The following MINK1 variants were observed in gnomAD, a reference collection of about 807,000 sequenced individuals.
The protein encoded by MINK1 is misshapen-like kinase 1.
In MINK1, 46 loss-of-function variants were observed where a neutral mutation model predicts 178.4. The observed-to-expected ratio is 0.26, with a 90% CI of 0.20 to 0.33. The LOEUF is 0.33. MINK1 is among the 10% of genes least tolerant of loss of function. The pLI is 1.00. For missense variants in MINK1, 1,366 were observed against 1,814.9 expected (o/e 0.75, Z 4.49); for synonymous variants, 797 against 709.7 (o/e 1.12, Z -1.96).
rs1423971934 is a variant in MINK1, at chr17:4,896,875, G to C, written c.3915+62G>C. 30 of 1,505,732 alleles carry C rather than the reference G, an allele frequency of 2.0e-5. No individual in the cohort carries two copies. The highest frequency in any genetic ancestry group is 2.4e-5 in the Non-Finnish European group (27 of 1,129,840). 93.3% of individuals were successfully genotyped at this position (1,505,732 alleles called of 1,614,324 possible). A position where few individuals can be genotyped will look rare whatever the true frequency, so the allele number is the denominator to read the frequency against. ...CGGCTGCCATGACCCTAGGCCCCTG[G>C]GCAGAGTTCTGGGGAGAGGATGGTG... is the stretch of plus-strand genomic sequence containing the variant. On this transcript the variant is annotated intron_variant, in intron 31 of 31. Coordinates refer to ENST00000355280, the MANE Select transcript of MINK1 (RefSeq NM_153827.5). The surrounding 1 kb of genome is among the most constrained non-coding windows in gnomAD (Gnocchi z 4.6).
intron 1 of MINK1, among the ~76,000 whole-genome samples, chr17:4,842,889 G>C (rs1247104142): frequency 1.3e-5 from 2 of 152,208 alleles, no homozygotes; most frequent in African/African-American, 4.8e-5. Context: ...GGAGTGACCA[G>C]AGACAGTAGA....
intron 1 of MINK1, among the ~76,000 whole-genome samples, chr17:4,871,556 C>A (rs1186070144): frequency 6.6e-6 from 1 of 151,990 alleles, no homozygotes; most frequent in Non-Finnish European, 1.5e-5. Context: ...TATAGATATA[C>A]CACATTTATC....
At chr17:4,890,823 G>A in intron 14 of MINK1, 88 bp downstream of exon 14, 1 of 1,516,810 alleles carries the variant, frequency 6.6e-7, no homozygotes, top group Non-Finnish European at 8.9e-7. Flanking sequence ...CACAGTAGCA[G>A]GCACCAAGTA....
intron 1 of MINK1, among the ~76,000 whole-genome samples, chr17:4,854,949 A>G (rs12602414): frequency 0.23 from 35,250 of 152,026 alleles, 4,891 homozygotes; most frequent in African/African-American, 0.39. Context: ...GCTCCCGCCT[A>G]TAGTCCCAGC....
Position 4,897,640 on chromosome 17 carries a change from C to A in MINK1, c.*353C>A, listed in dbSNP as rs1969692049. ...CCCACTGCTGCTGACTGGGCAGGGC[C>A]CTGGACCCCTTTATTTGCACGTCAG... On this transcript the variant is annotated 3_prime_UTR_variant, in exon 32 of 32. Transcript: ENST00000355280. The A allele has an allele frequency of 5.0e-6, 1 of 198,314 alleles. No homozygotes were observed. Among genetic ancestry groups the A allele is most frequent in the Non-Finnish European group, 1.0e-5 (1 of 97,764 alleles). The allele number at this position is 198,314 out of a possible 1,614,324, so 12.3% of individuals were successfully genotyped here.
Position 4,885,121 on chromosome 17 carries a change from C to G in MINK1, c.508+119C>G. The G allele has an allele frequency of 1.1e-6, 1 of 905,168 alleles. No homozygotes were observed. The highest frequency in any genetic ancestry group is 1.7e-6 in the Non-Finnish European group (1 of 584,218). The allele number at this position is 905,168 out of a possible 1,614,324, so 56.1% of individuals were successfully genotyped here. A position where few individuals can be genotyped will look rare whatever the true frequency, so the allele number is the denominator to read the frequency against. On this transcript the variant is annotated intron_variant, in intron 6 of 31. Coordinates refer to ENST00000355280, the MANE Select transcript of MINK1 (RefSeq NM_153827.5). This position sits in a 1 kb window ranked among gnomAD's most constrained non-coding sequence, Gnocchi z 5.0. ...TCCCTTCCTACTGGGGAGGCTCACT[C>G]CCTCCCCTTTCCCCTCTCCCCCTGG...
chr17:4,835,651 A>G (rs961275234), intron 1 of MINK1, among the ~76,000 whole-genome samples: 1 of 152,016 alleles, frequency 6.6e-6, no homozygotes, highest in Non-Finnish European at 1.5e-5. Flanking sequence ...AAAACAAAAA[A>G]ACGGGGCGGG....
intron 1 of MINK1, among the ~76,000 whole-genome samples, chr17:4,840,377 G>T (rs201542262): frequency 6.6e-6 from 1 of 152,102 alleles, no homozygotes; most frequent in African/African-American, 2.4e-5. Flanking sequence ...GAATCTTCCT[G>T]TGGGAGGGGA....
At chr17:4,859,197 T>G in intron 1 of MINK1, 2 of 985,442 alleles carry the variant, frequency 2.0e-6, no homozygotes, top group Non-Finnish European at 2.4e-6. Flanking sequence ...CCCAAGGACT[T>G]CCATCCCTTC....
chr17:4,874,615 G>A (rs550092169), intron 1 of MINK1, among the ~76,000 whole-genome samples: 1 of 152,152 alleles, frequency 6.6e-6, no homozygotes, highest in Non-Finnish European at 1.5e-5. Flanking sequence ...CTGCGATACA[G>A]GAAAGGGAGG....
chr17:4,894,430 G>A lies in MINK1; in HGVS notation c.2809-95G>A. ...GCGCTGGGAGCTGGACAGCGGGGGTGCCAGTTGGGGAGCTGGAGCCTGGGG... is the reference window on the plus strand; with the variant it reads ...GCGCTGGGAGCTGGACAGCGGGGGTACCAGTTGGGGAGCTGGAGCCTGGGG... On this transcript the variant is annotated intron_variant, in intron 23 of 31. Transcript: ENST00000355280. The surrounding 1 kb of genome is among the most constrained non-coding windows in gnomAD (Gnocchi z 4.1). 6.6e-7 allele frequency: 1 copy of A among 1,519,936 alleles called. No individual in the cohort carries two copies. Among genetic ancestry groups the A allele is most frequent in the East Asian group, 2.4e-5 (1 of 40,918 alleles). The allele number at this position is 1,519,936 out of a possible 1,614,324, so 94.2% of individuals were successfully genotyped here.
intron 13 of MINK1, chr17:4,890,220 A>G (rs1314805299): frequency 1.5e-5 from 2 of 135,966 alleles, no homozygotes; most frequent in Non-Finnish European, 1.1e-5. Context: ...CCCGTCCCCC[A>G]GGAATATATT....
chr17:4,889,977 C>G, intron 13 of MINK1: 2 of 590,804 alleles, frequency 3.4e-6, no homozygotes, highest in Non-Finnish European at 3.0e-6. Flanking sequence ...CTCTTTACCC[C>G]ATCCCTGACT....
chr17:4,892,557 C>T, intron 18 of MINK1, 45 bp downstream of exon 18: 1 of 1,539,950 alleles, frequency 6.5e-7, no homozygotes, highest in Non-Finnish European at 8.9e-7. Context: ...TCACTTCTGC[C>T]ACCCGCTTCC....
intron 13 of MINK1, 110 bp from the exon 14 acceptor site, chr17:4,890,407 T>A (rs1340917179): frequency 2.0e-6 from 3 of 1,473,070 alleles, no homozygotes; most frequent in South Asian, 1.4e-5. Context: ...ACCCAGGACA[T>A]CAAGGGAATA....
rs570073299 is a variant in MINK1 at position 4,897,350 on chromosome 17, C to T, written c.*63C>T. The T allele has an allele frequency of 2.4e-5, 36 of 1,491,518 alleles. No homozygotes were observed. The highest frequency in any genetic ancestry group is 3.5e-4 in the Middle Eastern group (2 of 5,778). The allele number at this position is 1,491,518 out of a possible 1,614,324, so 92.4% of individuals were successfully genotyped here. ...GCTCTCCCCCTGCAGCCAGGCTTCC[C>T]GGGCCGCCCCTCTTTCCCCTCCCTG... is the stretch of plus-strand genomic sequence containing the variant. On this transcript the variant is annotated 3_prime_UTR_variant, in exon 32 of 32. Coordinates refer to ENST00000355280, the MANE Select transcript of MINK1 (RefSeq NM_153827.5).
At chr17:4,889,871 C>G (rs1327841087) in intron 13 of MINK1, 108 bp downstream of exon 13, 1 of 762,240 alleles carries the variant, frequency 1.3e-6, no homozygotes, top group Non-Finnish European at 2.1e-6. Context: ...CCAGATTCCT[C>G]CTATCTTTTC....
intron 1 of MINK1, among the ~76,000 whole-genome samples, chr17:4,846,028 TTGACCTTCA>T (rs1172972709): frequency 6.6e-6 from 1 of 152,218 alleles, no homozygotes; most frequent in Non-Finnish European, 1.5e-5. Context: ...CAGTTTCTCA[TTGACCTTCA>T]TGGGGAAGGA....
Position 4,886,042 on chromosome 17 carries a change from T to C in MINK1, c.694+77T>C. On this transcript the variant is annotated intron_variant, in intron 8 of 31. Coordinates refer to ENST00000355280, the MANE Select transcript of MINK1 (RefSeq NM_153827.5). The surrounding 1 kb of genome is among the most constrained non-coding windows in gnomAD (Gnocchi z 6.1). ...AGAGTGGCTGTAGGGAGGAGGTGGG[T>C]CCTGGGACCCTGCCGAGGAAGGGTC... 1 of 1,608,632 alleles carries C rather than the reference T, an allele frequency of 6.2e-7. No individual in the cohort carries two copies. Among genetic ancestry groups the C allele is most frequent in the East Asian group, 2.2e-5 (1 of 44,822 alleles).
Sources: allele counts gnomAD v4.1 joint callset (sites outside exome capture counted in the v4.1 genomes callset), GRCh38; gene constraint gnomAD v4.1.1; non-coding constraint Gnocchi (gnomAD v3.1); transcripts MANE v1.5; gene names NCBI Gene and HGNC (gene_info 2026-07-23, HGNC 2026-07-21).